The following GRIK4 variants were observed in gnomAD, a reference collection of about 807,000 sequenced individuals.
The protein encoded by GRIK4 is glutamate receptor ionotropic, kainate 4.
GRIK4 carries 40 observed loss-of-function variants against 104.9 expected under a neutral mutation model. The observed-to-expected ratio is 0.38, with a 90% CI of 0.30 to 0.50. The LOEUF (loss-of-function observed/expected upper bound fraction) is 0.50. Among genes scored for constraint, GRIK4 ranks in the 20% least tolerant of loss-of-function variants. The pLI, the probability that GRIK4 is intolerant of heterozygous loss-of-function variation, is 0.93. For missense variants in GRIK4, 1,047 were observed against 1,308.1 expected, an observed-to-expected ratio of 0.80 and a Z score of 3.08; for synonymous variants, 485 against 524.9, an observed-to-expected ratio of 0.92 and a Z score of 1.04.
rs1395801522 is a variant in GRIK4, at chr11:120,952,597, G to C, written c.1591-258G>C. ...GGTTGTTCCTCTTTGCCAGCACAAA[G>C]CCTGCCTCACCCCAGGGAGTGGCAT... On this transcript the variant is annotated intron_variant, in intron 14 of 20. Coordinates refer to ENST00000527524, the MANE Select transcript of GRIK4 (RefSeq NM_014619.5). This position sits in a 1 kb window ranked among gnomAD's most constrained non-coding sequence, Gnocchi z 5.2. Among the ~76,000 whole-genome samples the C allele has an allele frequency of 6.6e-6, 1 of 152,150 alleles. No individual in the cohort carries two copies. Among genetic ancestry groups the C allele is most frequent in the African/African-American group, 2.4e-5 (1 of 41,436 alleles).
At chr11:120,838,579 A>G (rs972589330) in intron 8 of GRIK4, among the ~76,000 whole-genome samples, 42 of 152,322 alleles carry the variant, frequency 2.8e-4, no homozygotes, top group African/African-American at 9.4e-4. Flanking sequence ...GTTGAATAAT[A>G]GTCAAGAAAA....
At chr11:120,897,601 C>CAAAA (rs56807699) in intron 11 of GRIK4, among the ~76,000 whole-genome samples, 6 of 13,058 alleles carry the variant, frequency 4.6e-4, no homozygotes, top group East Asian at 4.9e-3. Flanking sequence ...GACTCCTTCT[C>CAAAA]AAAAAAAAAA....
rs1326400126 is a variant in GRIK4, at chr11:120,524,979, A to G, written c.-159+13092A>G. 1.3e-5 allele frequency among the ~76,000 whole-genome samples: 2 copies of G among 152,100 alleles called. No homozygotes were observed. Among genetic ancestry groups the G allele is most frequent in the African/African-American group, 4.8e-5 (2 of 41,418 alleles). The stretch of plus-strand genomic sequence containing the variant: ...GCTTCTGGAGCCCATCAGGGGCTGC[A>G]CCATGAATGCCCAGTGACTCTGGAC... On this transcript the variant is annotated intron_variant, in intron 1 of 20. Coordinates refer to ENST00000527524, the MANE Select transcript of GRIK4 (RefSeq NM_014619.5). This position sits in a 1 kb window ranked among gnomAD's most constrained non-coding sequence, Gnocchi z 4.5.
At chr11:120,828,823 G>A (rs1428197775) in intron 6 of GRIK4, among the ~76,000 whole-genome samples, 6 of 152,218 alleles carry the variant, frequency 3.9e-5, no homozygotes, top group African/African-American at 1.2e-4. Context: ...TTAAAGGACA[G>A]CAGAACTCTC....
chr11:120,986,458 C>A lies in GRIK4; in HGVS notation c.*198C>A. 1.4e-6 allele frequency: 1 copy of A among 717,144 alleles called. No individual in the cohort carries two copies. The allele number at this position is 717,144 out of a possible 1,614,324, so 44.4% of individuals were successfully genotyped here. ...GCCCGGTCAGGGAGCAGGGTCCACC[C>A]GGAAACGTTGCACCCAAAGGGCAAA... is the stretch of plus-strand genomic sequence containing the variant. On this transcript the variant is annotated 3_prime_UTR_variant, in exon 21 of 21. Coordinates refer to ENST00000527524, the MANE Select transcript of GRIK4 (RefSeq NM_014619.5).
Position 120,831,976 on chromosome 11 carries a change from C to G in GRIK4, c.636C>G (p.Thr212=), listed in dbSNP as rs148308915. The G allele has an allele frequency of 9.7e-5, 156 of 1,613,776 alleles. No individual in the cohort carries two copies. Among genetic ancestry groups the G allele is most frequent in the Non-Finnish European group, 1.3e-5 (15 of 1,179,936 alleles). ...TCAAGGAGATCCGGGACGACAAGAC[C>G]GCCACCATCATCATCCACGCCAACG... ...PLLKEIRDDK[T]ATIIIHANAS... Residue 212 remains threonine (T), a synonymous_variant, in exon 7 of 21, where the codon ACC becomes ACG. Transcript: ENST00000527524.
chr11:120,694,281 G>C (rs1217213313), intron 3 of GRIK4, among the ~76,000 whole-genome samples: 1 of 152,188 alleles, frequency 6.6e-6, no homozygotes, highest in Non-Finnish European at 1.5e-5. Flanking sequence ...AGGTACCTTG[G>C]TCTGAGTCTT....
intron 1 of GRIK4, among the ~76,000 whole-genome samples, chr11:120,527,944 T>C (rs1439086362): frequency 6.6e-6 from 1 of 152,198 alleles, no homozygotes; most frequent in African/African-American, 2.4e-5. Flanking sequence ...GCGTTGTGAA[T>C]AGAGTGAGCT....
chr11:120,917,269 A>AAAAAAAGAAAG (rs1463389337), intron 13 of GRIK4, among the ~76,000 whole-genome samples: 5 of 138,296 alleles, frequency 3.6e-5, no homozygotes, highest in African/African-American at 1.5e-4. Context: ...AAAAAAAAAA[A>AAAAAAAGAAAG]AAAGAAAGAA....
chr11:120,551,932 G>A (rs1488356707), intron 1 of GRIK4, among the ~76,000 whole-genome samples: 1 of 152,230 alleles, frequency 6.6e-6, no homozygotes, highest in African/African-American at 2.4e-5. Flanking sequence ...GGTGCCTGGG[G>A]AGGGCATATA....
intron 13 of GRIK4, among the ~76,000 whole-genome samples, chr11:120,932,829 G>GGGGGCA (rs150868222): frequency 0.021 from 3,133 of 152,296 alleles, 43 homozygotes; most frequent in Non-Finnish European, 0.033. Flanking sequence ...GGCATGTAGA[G>GGGGGCA]GGGGCAGGGG....
intron 1 of GRIK4, among the ~76,000 whole-genome samples, chr11:120,585,271 C>T (rs890809833): frequency 6.6e-6 from 1 of 152,118 alleles, no homozygotes; most frequent in African/African-American, 2.4e-5. Flanking sequence ...AACATGGGTA[C>T]ACACATATCT....
intron 1 of GRIK4, among the ~76,000 whole-genome samples, chr11:120,551,729 C>T (rs944547756): frequency 2.0e-5 from 3 of 151,362 alleles, no homozygotes; most frequent in Admixed American, 1.3e-4. Flanking sequence ...TGCAGTGAGC[C>T]GAGATCACAC....
At chr11:120,783,789 C>T (rs1354926142) in intron 3 of GRIK4, among the ~76,000 whole-genome samples, 1 of 152,098 alleles carries the variant, frequency 6.6e-6, no homozygotes, top group East Asian at 1.9e-4. Context: ...ATGAGTTTAT[C>T]CAGAAAAGAA....
intron 1 of GRIK4, among the ~76,000 whole-genome samples, chr11:120,547,370 G>A (rs897511812): frequency 6.6e-6 from 1 of 152,242 alleles, no homozygotes; most frequent in East Asian, 1.9e-4. Flanking sequence ...GCCAGTGGGC[G>A]AGTGTCTGCA....
At chr11:120,766,579 G>A (rs920951473) in intron 3 of GRIK4, among the ~76,000 whole-genome samples, 2 of 152,196 alleles carry the variant, frequency 1.3e-5, no homozygotes, top group Admixed American at 6.5e-5. Flanking sequence ...GGGGCCTTGT[G>A]GTGTAGGAAC....
intron 1 of GRIK4, among the ~76,000 whole-genome samples, chr11:120,558,511 C>T (rs1483857457): frequency 6.6e-6 from 1 of 152,182 alleles, no homozygotes; most frequent in Non-Finnish European, 1.5e-5. Context: ...TCGCTTGAAC[C>T]CAGGATGCAG....
In GRIK4 at chr11:120,815,398, G is replaced by C. The variant is rs141789085; in HGVS notation, c.268G>C (p.Gly90Arg). ...TGCAGTGTGTCAGATCCTCCCCAAG[G>C]GGGTGGTCGCTGTCCTCGGACCATC... is the stretch of plus-strand genomic sequence containing the variant. ...AETMCQILPK[G>R]VVAVLGPSSS... is the part of the protein sequence containing the mutation. The change falls in exon 5 of 21, where the codon GGG becomes CGG. Residue 90 changes from glycine to arginine, a missense_variant. Gly to Arg is a moderately radical substitution (Grantham distance 125). Coordinates refer to ENST00000527524, the MANE Select transcript of GRIK4 (RefSeq NM_014619.5). 61 of 1,549,562 alleles carry C rather than the reference G, an allele frequency of 3.9e-5. No homozygotes were observed. Among genetic ancestry groups the C allele is most frequent in the South Asian group, 1.2e-5 (1 of 83,716 alleles).
intron 1 of GRIK4, among the ~76,000 whole-genome samples, chr11:120,611,277 T>C (rs527704462): frequency 5.3e-4 from 80 of 152,314 alleles, no homozygotes; most frequent in South Asian, 2.3e-3. Flanking sequence ...TTACTGGATG[T>C]GTGGCTGTGA....
Sources: allele counts gnomAD v4.1 joint callset (sites outside exome capture counted in the v4.1 genomes callset), GRCh38; gene constraint gnomAD v4.1.1; non-coding constraint Gnocchi (gnomAD v3.1); transcripts MANE v1.5; gene names NCBI Gene and HGNC (gene_info 2026-07-23, HGNC 2026-07-21).